Variants in PREX1 observed in about 807,000 individuals in gnomAD.
PREX1 encodes phosphatidylinositol-3,4,5-trisphosphate dependent Rac exchange factor 1.
PREX1 carries 41 observed loss-of-function variants against 198.3 expected under a neutral mutation model. That is an observed-to-expected ratio of 0.21 (90% confidence interval 0.16 to 0.27). The LOEUF is 0.27. PREX1 is among the 10% of genes least tolerant of loss of function. The probability of loss-of-function intolerance (pLI) is 1.00; values close to 1 mark genes in which losing one functional copy is unlikely to be tolerated. For synonymous variants in PREX1, 843 were observed against 887.2 expected, an observed-to-expected ratio of 0.95 and a Z score of 0.89; for missense variants, 1,620 against 2,200.7, an observed-to-expected ratio of 0.74 and a Z score of 5.28.
At chr20:48,773,593 G>C (rs2090247200) in intron 1 of PREX1, among the ~76,000 whole-genome samples, 1 of 152,206 alleles carries the variant, frequency 6.6e-6, no homozygotes, top group African/African-American at 2.4e-5. Context: ...GACTGTTCCA[G>C]ACAGCAGGAA....
intron 1 of PREX1, among the ~76,000 whole-genome samples, chr20:48,757,601 T>C (rs943312936): frequency 6.6e-6 from 1 of 152,166 alleles, no homozygotes; most frequent in Non-Finnish European, 1.5e-5. Context: ...GACATGAGGA[T>C]TAAATCTGAC....
chr20:48,798,440 G>A lies in PREX1; in HGVS notation c.219+29202C>T, dbSNP rs544015157. On this transcript the variant is annotated intron_variant, in intron 1 of 39. Transcript: ENST00000371941. ...TTCTGCTCTGCTTAAAGCCCTCCCCGGCAGGCTGCCACACTGGGAGGAAAT... is the reference window on the plus strand; with the variant it reads ...TTCTGCTCTGCTTAAAGCCCTCCCCAGCAGGCTGCCACACTGGGAGGAAAT... Among the ~76,000 whole-genome samples the A allele has an allele frequency of 1.4e-4, 22 of 152,156 alleles. No homozygotes were observed. In the East Asian group the frequency reaches 3.7e-3, roughly 25 times the overall value.
intron 1 of PREX1, among the ~76,000 whole-genome samples, chr20:48,769,440 G>A (rs1040958267): frequency 1.2e-4 from 19 of 152,130 alleles, no homozygotes; most frequent in African/African-American, 4.3e-4. Context: ...AGGAGCCCCA[G>A]CACCCACTAG....
intron 6 of PREX1, among the ~76,000 whole-genome samples, chr20:48,702,272 T>A (rs2089879409): frequency 6.7e-6 from 1 of 150,114 alleles, no homozygotes; most frequent in Admixed American, 6.6e-5. Context: ...CTGGGAGGGA[T>A]CCTTAGAGCC....
the PREX1 span, among the ~76,000 whole-genome samples, chr20:48,848,661 C>T: frequency 1.3e-5 from 2 of 152,218 alleles, no homozygotes; most frequent in Non-Finnish European, 2.9e-5. Flanking sequence ...CCCAGAATAA[C>T]TACCATCAGC....
intron 7 of PREX1, among the ~76,000 whole-genome samples, chr20:48,697,782 C>T (rs896961061): frequency 4.0e-4 from 61 of 152,210 alleles, no homozygotes; most frequent in African/African-American, 1.4e-3. Context: ...CTGGTTTCCC[C>T]TTCTGGAGGA....
intron 15 of PREX1, among the ~76,000 whole-genome samples, chr20:48,661,444 A>AAAAAAATATATATATAT (rs1555832820): frequency 2.0e-5 from 1 of 49,594 alleles, no homozygotes; most frequent in Non-Finnish European, 3.1e-5. Context: ...AAAAAAAAAA[A>AAAAAAATATATATATAT]ATATATATAT....
chr20:48,807,733 C>G (rs2090418141), intron 1 of PREX1, among the ~76,000 whole-genome samples: 1 of 152,188 alleles, frequency 6.6e-6, no homozygotes, highest in African/African-American at 2.4e-5. Flanking sequence ...TGCCTGCAGC[C>G]AGGCCAGCGC....
intron 1 of PREX1, among the ~76,000 whole-genome samples, chr20:48,770,517 C>T (rs1164480960): frequency 1.3e-5 from 2 of 152,124 alleles, no homozygotes; most frequent in African/African-American, 4.8e-5. Flanking sequence ...TCGAGACCAG[C>T]CTGGCCAACA....
At chr20:48,824,129 T>G (rs1350568946) in intron 1 of PREX1, among the ~76,000 whole-genome samples, 3 of 152,214 alleles carry the variant, frequency 2.0e-5, no homozygotes, top group Admixed American at 2.0e-4. Flanking sequence ...GCCAAGGTTC[T>G]GAGTCAAAAC....
Position 48,696,910 on chromosome 20 carries a change from C to A in PREX1, c.917+3843G>T, listed in dbSNP as rs116528973. ...ACACTATTGGCTTGTCTTCAGCTTG[C>A]AGACGACAGATCTTGGGACTTGTCA... On this transcript the variant is annotated intron_variant, in intron 7 of 39. Transcript: ENST00000371941. 3.9e-3 allele frequency among the ~76,000 whole-genome samples: 585 copies of A among 151,880 alleles called. 4 individuals carry two copies. The highest frequency in any genetic ancestry group is 0.013 in the African/African-American group (546 of 41,424).
the PREX1 span, among the ~76,000 whole-genome samples, chr20:48,853,699 C>T: frequency 6.6e-6 from 1 of 152,236 alleles, no homozygotes; most frequent in Admixed American, 6.5e-5. Context: ...CACACACACA[C>T]TTGCATACAC....
intron 1 of PREX1, among the ~76,000 whole-genome samples, chr20:48,758,414 G>A (rs2090164352): frequency 6.6e-6 from 1 of 152,198 alleles, no homozygotes; most frequent in Non-Finnish European, 1.5e-5. Flanking sequence ...CCCTGGAGTG[G>A]TTGAGGTGTC....
At chr20:48,686,278 G>A (rs930837326) in intron 10 of PREX1, among the ~76,000 whole-genome samples, 4 of 152,176 alleles carry the variant, frequency 2.6e-5, no homozygotes, top group Non-Finnish European at 5.9e-5. Context: ...ATTCAGTAGC[G>A]GGACCCTGGC....
chr20:48,773,123 T>C (rs972568973), intron 1 of PREX1, among the ~76,000 whole-genome samples: 3 of 151,894 alleles, frequency 2.0e-5, no homozygotes, highest in Non-Finnish European at 4.4e-5. Flanking sequence ...AAAAATTATC[T>C]GGGTGAGGTG....
intron 6 of PREX1, among the ~76,000 whole-genome samples, chr20:48,702,322 G>A (rs1009658290): frequency 2.4e-4 from 36 of 152,146 alleles, no homozygotes; most frequent in Non-Finnish European, 4.4e-4. Flanking sequence ...GAGGACCCAG[G>A]CAAGGGCAGA....
chr20:48,682,362 G>C (rs981134428), intron 10 of PREX1, among the ~76,000 whole-genome samples: 9 of 152,098 alleles, frequency 5.9e-5, no homozygotes, highest in African/African-American at 2.2e-4. Context: ...TCTCTGTGTT[G>C]CTTCCTTTTT....
intron 37 of PREX1, among the ~76,000 whole-genome samples, chr20:48,629,228 T>G (rs1025549764): frequency 1.3e-5 from 2 of 152,134 alleles, no homozygotes; most frequent in Non-Finnish European, 2.9e-5. Context: ...ACTACGGCGT[T>G]AGAGAAGCAG....
chr20:48,769,275 G>A (rs1276824841), intron 1 of PREX1, among the ~76,000 whole-genome samples: 1 of 152,178 alleles, frequency 6.6e-6, no homozygotes, highest in Non-Finnish European at 1.5e-5. Context: ...GGGTGGTGGT[G>A]CGGGGGAGGG....
Sources: gnomAD v4.1 joint callset for allele counts (sites outside exome capture counted in the v4.1 genomes callset) on GRCh38, gnomAD v4.1.1 for gene constraint, MANE v1.5 for transcripts, NCBI Gene and HGNC (gene_info 2026-07-23, HGNC 2026-07-21) for gene names.